Variants in TBC1D5 observed in about 807,000 individuals in gnomAD.
TBC1D5 encodes TBC1 domain family member 5, also known as TBC1 domain family, member 5.
A neutral mutation model predicts 100.3 loss-of-function variants in TBC1D5; 75 were observed. The observed-to-expected ratio is 0.75, with a 90% confidence interval of 0.62 to 0.91. The LOEUF (loss-of-function observed/expected upper bound fraction) is 0.91. Ranked by LOEUF, TBC1D5 falls within the 40% of genes least tolerant of loss-of-function variation. The pLI, the probability that TBC1D5 is intolerant of heterozygous loss-of-function variation, is 0.00. For synonymous variants in TBC1D5, 323 were observed against 325.6 expected (o/e 0.99, Z 0.09); for missense variants, 910 against 942.4 (o/e 0.97, Z 0.45).
At chr3:17,678,104 C>T (rs1037734242) in intron 1 of TBC1D5, among the ~76,000 whole-genome samples, 9 of 152,022 alleles carry the variant, frequency 5.9e-5, no homozygotes, top group African/African-American at 1.9e-4. Context: ...CAAACCTGCA[C>T]GTTGTGCACA....
At chr3:17,735,797 C>A (rs945263360) in intron 1 of TBC1D5, among the ~76,000 whole-genome samples, 3 of 152,186 alleles carry the variant, frequency 2.0e-5, no homozygotes, top group African/African-American at 7.2e-5. Context: ...AAGTCAGCAG[C>A]AGGTGTGCGA....
At chr3:17,310,503 G>C (rs1389710758) in intron 13 of TBC1D5, among the ~76,000 whole-genome samples, 1 of 151,994 alleles carries the variant, frequency 6.6e-6, no homozygotes, top group African/African-American at 2.4e-5. Context: ...CAGAAACAGA[G>C]AGAGAGAGAG....
rs928655677 is a variant in TBC1D5, at chr3:17,308,225, T to C, written c.996-91A>G. 4 of 1,241,842 alleles carry C rather than the reference T, an allele frequency of 3.2e-6. No homozygotes were observed. In the East Asian group the frequency reaches 1.1e-4, roughly 35 times the overall value. 76.9% of individuals were successfully genotyped at this position (1,241,842 alleles called of 1,614,324 possible). ...CAAGTAACTGTGAAAAACTATTAAC[T>C]GAACACAGTGAGCAAATATTATATA... On this transcript the variant is annotated intron_variant, in intron 13 of 21. Transcript: ENST00000253692.
chr3:17,180,489 G>A (rs896315230), intron 19 of TBC1D5, among the ~76,000 whole-genome samples: 5 of 152,164 alleles, frequency 3.3e-5, no homozygotes, highest in African/African-American at 9.7e-5. Context: ...AACATAGGGC[G>A]ATATAGTAAT....
At chr3:17,298,557 T>C (rs2082496207) in intron 14 of TBC1D5, among the ~76,000 whole-genome samples, 1 of 152,026 alleles carries the variant, frequency 6.6e-6, no homozygotes, top group South Asian at 2.1e-4. Flanking sequence ...GCAGGGGTGA[T>C]AAGGAGAAAT....
chr3:17,513,023 A>G (rs1409386547), intron 2 of TBC1D5, among the ~76,000 whole-genome samples: 3 of 152,132 alleles, frequency 2.0e-5, no homozygotes, highest in African/African-American at 4.8e-5. Flanking sequence ...AATCAAAGCA[A>G]TATTTTCCAT....
intron 1 of TBC1D5, among the ~76,000 whole-genome samples, chr3:17,641,212 A>G (rs532402957): frequency 6.6e-6 from 1 of 152,256 alleles, no homozygotes; most frequent in South Asian, 2.1e-4. Context: ...GAATTAGTCC[A>G]TTGCTTACTT....
At chr3:17,234,019 G>C (rs2075656750) in intron 17 of TBC1D5, among the ~76,000 whole-genome samples, 1 of 152,042 alleles carries the variant, frequency 6.6e-6, no homozygotes, top group African/African-American at 2.4e-5. Flanking sequence ...GCAATCAAAA[G>C]ATTTTGCTGA....
chr3:17,570,841 T>C (rs2096622707), intron 2 of TBC1D5, among the ~76,000 whole-genome samples: 1 of 152,022 alleles, frequency 6.6e-6, no homozygotes, highest in Non-Finnish European at 1.5e-5. Flanking sequence ...AAAGTTATTG[T>C]TGCAACCTCT....
At chr3:17,294,061 C>T (rs1214855899) in intron 14 of TBC1D5, among the ~76,000 whole-genome samples, 1 of 152,124 alleles carries the variant, frequency 6.6e-6, no homozygotes, top group Non-Finnish European at 1.5e-5. Context: ...TTTTGAAAGG[C>T]CATTGTTTTG....
At chr3:17,522,010 AT>A (rs751636346) in intron 2 of TBC1D5, among the ~76,000 whole-genome samples, 61 of 152,214 alleles carry the variant, frequency 4.0e-4, no homozygotes, top group Non-Finnish European at 6.5e-4. Context: ...AAATATGCAA[AT>A]GTTCCAATTG....
chr3:17,494,030 G>A (rs187744250), intron 3 of TBC1D5, among the ~76,000 whole-genome samples: 9 of 152,230 alleles, frequency 5.9e-5, no homozygotes, highest in East Asian at 3.9e-4. Flanking sequence ...GCGTTTTTGC[G>A]CTTATTTTTT....
At chr3:17,308,085 G>C in exon 14 of TBC1D5, 1 of 1,610,282 alleles carries the variant, frequency 6.2e-7, no homozygotes. Flanking sequence ...CAGACCACCA[G>C]AAGGTCCTGC....
At chr3:17,376,553 G>C in exon 10 of TBC1D5, 1 of 1,612,992 alleles carries the variant, frequency 6.2e-7, no homozygotes, top group Non-Finnish European at 8.5e-7. Flanking sequence ...CTGGCATGTA[G>C]AAAAGCTTGG....
intron 3 of TBC1D5, among the ~76,000 whole-genome samples, chr3:17,437,727 G>C (rs898174241): frequency 1.3e-5 from 2 of 151,706 alleles, no homozygotes; most frequent in Non-Finnish European, 1.5e-5. Flanking sequence ...TGAAGGCAGA[G>C]AGAGAAAAGA....
rs570859205 is a variant in TBC1D5, at chr3:17,382,791, G to A, written c.612+1122C>T. Reference sequence around the variant, plus strand: ...TGCCCAGCCTGGTCTCAAACTCCTGGGCTCAGCCAATCACCCTGCCTCAGC... The same window carrying A: ...TGCCCAGCCTGGTCTCAAACTCCTGAGCTCAGCCAATCACCCTGCCTCAGC... On this transcript the variant is annotated intron_variant, in intron 9 of 21. Transcript: ENST00000253692. 4.7e-4 allele frequency among the ~76,000 whole-genome samples: 71 copies of A among 151,954 alleles called. 1 individual carries two copies. The highest frequency in any genetic ancestry group is 1.5e-3 in the South Asian group (7 of 4,812).
chr3:17,240,895 T>G (rs548724031), intron 16 of TBC1D5, among the ~76,000 whole-genome samples: 1 of 152,206 alleles, frequency 6.6e-6, no homozygotes, highest in African/African-American at 2.4e-5. Context: ...ATACGGTTAA[T>G]GCATCTTCAT....
At chr3:17,256,414 TTG>T (rs1220554094) in intron 16 of TBC1D5, among the ~76,000 whole-genome samples, 6 of 146,782 alleles carry the variant, frequency 4.1e-5, no homozygotes, top group Non-Finnish European at 7.5e-5. Flanking sequence ...TATAAACTCA[TTG>T]TGTTATATAT....
intron 21 of TBC1D5, 126 bp downstream of exon 22, chr3:17,166,641 T>G: frequency 7.6e-7 from 1 of 1,322,720 alleles, no homozygotes; most frequent in Non-Finnish European, 1.0e-6. Context: ...ACACAGCACC[T>G]CCGCAGTTGA....
Sources: gnomAD v4.1 joint callset for allele counts (sites outside exome capture counted in the v4.1 genomes callset) on GRCh38, gnomAD v4.1.1 for gene constraint, MANE v1.5 for transcripts, NCBI Gene and HGNC (gene_info 2026-07-23, HGNC 2026-07-21) for gene names.